PHACTR3: variants seen among roughly 807,000 people sequenced by gnomAD.
PHACTR3 encodes the protein protein phosphatase 1, regulatory subunit 123.
PHACTR3 carries 16 observed loss-of-function variants against 66.8 expected under a neutral mutation model. That is an observed-to-expected ratio of 0.24 (90% CI 0.16 to 0.36). PHACTR3 has a LOEUF of 0.36. Among genes scored for constraint, PHACTR3 ranks in the 10% least tolerant of loss-of-function variants. PHACTR3 has a pLI of 1.00. For synonymous variants in PHACTR3, 323 were observed against 292.1 expected, an observed-to-expected ratio of 1.11 and a Z score of -1.08; for missense variants, 647 against 719.9, an observed-to-expected ratio of 0.90 and a Z score of 1.16.
chr20:59,720,364 C>G (rs2038248709), intron 1 of PHACTR3, among the ~76,000 whole-genome samples: 1 of 152,216 alleles, frequency 6.6e-6, no homozygotes, highest in African/African-American at 2.4e-5. Flanking sequence ...GCGTGGGAAA[C>G]TCAGACAGGC....
chr20:59,793,921 A>G (rs1394276738), intron 7 of PHACTR3, among the ~76,000 whole-genome samples: 1 of 152,030 alleles, frequency 6.6e-6, no homozygotes, highest in Admixed American at 6.6e-5. Context: ...TAAAGAGTTC[A>G]AGACCAGCCT....
At chr20:59,797,226 A>T (rs187293597) in intron 7 of PHACTR3, among the ~76,000 whole-genome samples, 531 of 152,170 alleles carry the variant, frequency 3.5e-3, no homozygotes, top group African/African-American at 0.012. Context: ...TCAGATCATA[A>T]ATTGTTTTCC....
intron 7 of PHACTR3, among the ~76,000 whole-genome samples, chr20:59,798,557 C>T (rs547630974): frequency 6.6e-6 from 1 of 152,088 alleles, no homozygotes; most frequent in Non-Finnish European, 1.5e-5. Context: ...ATTCTGGTTA[C>T]ATATTTCTTC....
chr20:59,614,790 C>G (rs1007232466), intron 1 of PHACTR3, among the ~76,000 whole-genome samples: 1 of 152,182 alleles, frequency 6.6e-6, no homozygotes, highest in Non-Finnish European at 1.5e-5. Context: ...ATCACTAGCT[C>G]TGGAGTTTCA....
At chr20:59,798,496 T>C (rs187181013) in intron 7 of PHACTR3, among the ~76,000 whole-genome samples, 2 of 152,344 alleles carry the variant, frequency 1.3e-5, no homozygotes, top group East Asian at 1.9e-4. Context: ...GCAGTGTGTA[T>C]GTGCATGAAG....
intron 11 of PHACTR3, 60 bp downstream of exon 11, chr20:59,841,595 C>G: frequency 1.3e-6 from 2 of 1,540,090 alleles, no homozygotes; most frequent in Non-Finnish European, 1.8e-6. Context: ...CAAAATATGT[C>G]ATGCCAGGGA....
chr20:59,808,779 G>A (rs2041645231), intron 8 of PHACTR3, among the ~76,000 whole-genome samples: 1 of 152,156 alleles, frequency 6.6e-6, no homozygotes, highest in Non-Finnish European at 1.5e-5. Flanking sequence ...GCTCGCTGCT[G>A]GGCTGCAGGC....
chr20:59,635,161 CTTT>C (rs1568949001), intron 1 of PHACTR3, among the ~76,000 whole-genome samples: 24 of 44,102 alleles, frequency 5.4e-4, no homozygotes, highest in African/African-American at 1.7e-3. Flanking sequence ...TTCTTTCTTT[CTTT>C]CTTTCCTTTC....
At chr20:59,741,365 G>A (rs911805311) in intron 1 of PHACTR3, among the ~76,000 whole-genome samples, 3 of 152,226 alleles carry the variant, frequency 2.0e-5, no homozygotes, top group Non-Finnish European at 4.4e-5. Flanking sequence ...AGCCGTGCTG[G>A]GGAGCACCCC....
At chr20:59,731,282 A>G (rs543400257) in intron 1 of PHACTR3, among the ~76,000 whole-genome samples, 5 of 152,332 alleles carry the variant, frequency 3.3e-5, no homozygotes, top group South Asian at 4.2e-4. Context: ...ATCTCAGGGA[A>G]GAAGTTTGTA....
intron 8 of PHACTR3, among the ~76,000 whole-genome samples, chr20:59,813,897 C>G (rs778463998): frequency 9.2e-5 from 14 of 152,232 alleles, no homozygotes; most frequent in Non-Finnish European, 1.9e-4. Flanking sequence ...GTGGCACAGC[C>G]TCGCCATTAC....
At chr20:59,691,494 A>G (rs1294775849) in intron 1 of PHACTR3, among the ~76,000 whole-genome samples, 2 of 151,856 alleles carry the variant, frequency 1.3e-5, no homozygotes, top group Non-Finnish European at 2.9e-5. Flanking sequence ...TGGACTTTTC[A>G]TTTTGTCCCA....
At chr20:59,597,299 C>T (rs1053443293) in intron 1 of PHACTR3, among the ~76,000 whole-genome samples, 1 of 152,234 alleles carries the variant, frequency 6.6e-6, no homozygotes, top group African/African-American at 2.4e-5. Context: ...TATAAAAGTG[C>T]TGTCAGCATT....
chr20:59,771,065 G>T (rs1010340269), intron 5 of PHACTR3, among the ~76,000 whole-genome samples: 1 of 152,208 alleles, frequency 6.6e-6, no homozygotes, highest in Non-Finnish European at 1.5e-5. Flanking sequence ...GCCAGGCAAA[G>T]CTCTATGGGG....
chr20:59,604,453 C>A (rs568423099), upstream of PHACTR3: 1 of 273,734 alleles, frequency 3.7e-6, no homozygotes, highest in Non-Finnish European at 5.6e-6. Context: ...CCTTCTCACG[C>A]CCCTCTCCCG....
chr20:59,775,473 G>C (rs2146901217), intron 7 of PHACTR3, among the ~76,000 whole-genome samples: 1 of 152,236 alleles, frequency 6.6e-6, no homozygotes, highest in East Asian at 1.9e-4. Context: ...ACTGTGATGG[G>C]TGGATAGACC....
chr20:59,673,469 C>T (rs898107220), intron 1 of PHACTR3, among the ~76,000 whole-genome samples: 6 of 152,312 alleles, frequency 3.9e-5, no homozygotes, highest in African/African-American at 7.2e-5. Flanking sequence ...GTCAGCAGCA[C>T]GACAAGGGGC....
chr20:59,740,978 G>A (rs1211036653), intron 1 of PHACTR3, among the ~76,000 whole-genome samples: 1 of 152,264 alleles, frequency 6.6e-6, no homozygotes, highest in African/African-American at 2.4e-5. Context: ...AAATGCGGGA[G>A]TGTGACCCCT....
intron 8 of PHACTR3, among the ~76,000 whole-genome samples, chr20:59,831,695 C>A (rs6027146): frequency 1.3e-5 from 2 of 151,886 alleles, no homozygotes; most frequent in African/African-American, 4.8e-5. Context: ...ACGTCTCTAG[C>A]GGCTCCTCGG....
Sources: allele counts gnomAD v4.1 joint callset (sites outside exome capture counted in the v4.1 genomes callset), GRCh38; gene constraint gnomAD v4.1.1; transcripts MANE v1.5; gene names NCBI Gene and HGNC (gene_info 2026-07-23, HGNC 2026-07-21).